The following MVB12B variants were observed in gnomAD, a reference collection of about 807,000 sequenced individuals.
MVB12B encodes the protein multivesicular body subunit 12B.
Under a neutral mutation model 41.6 loss-of-function variants are expected in MVB12B, and 16 were observed. The ratio of observed to expected loss-of-function variants is 0.38; its 90% CI spans 0.26 to 0.58. The LOEUF (loss-of-function observed/expected upper bound fraction) is 0.58, where lower values mean the gene tolerates loss of function less well. MVB12B is among the 20% of genes least tolerant of loss of function. The pLI is 0.62. For missense variants in MVB12B, 274 were observed against 380.2 expected (o/e 0.72, Z 2.32); for synonymous variants, 133 against 139.7 (o/e 0.95, Z 0.34).
chr9:126,327,386 C>T (rs1829011861), intron 1 of MVB12B: 4 of 952,058 alleles, frequency 4.2e-6, no homozygotes, highest in African/African-American at 1.8e-5. Context: ...TTTGACCGGC[C>T]TGGCCTGGGG....
At chr9:126,413,917 T>C (rs1831730243) in intron 6 of MVB12B, among the ~76,000 whole-genome samples, 1 of 151,152 alleles carries the variant, frequency 6.6e-6, no homozygotes, top group Non-Finnish European at 1.5e-5. Flanking sequence ...GCCTTGCTAG[T>C]CACCACTCTC....
In MVB12B at chr9:126,459,618, T is replaced by A. The variant is rs1253015560; in HGVS notation, c.758-21751T>A. 6.6e-6 allele frequency among the ~76,000 whole-genome samples: 1 copy of A among 152,080 alleles called. No homozygotes were observed. Among genetic ancestry groups the A allele is most frequent in the African/African-American group, 2.4e-5 (1 of 41,406 alleles). On this transcript the variant is annotated intron_variant, in intron 7 of 9. Transcript: ENST00000361171. This position sits in a 1 kb window ranked among gnomAD's most constrained non-coding sequence, Gnocchi z 4.3. ...CGGGAGGCTTGGGGCTAAGGATGTG[T>A]ATTTTCGCACGCAGCCCAGGTGACT...
intron 7 of MVB12B, among the ~76,000 whole-genome samples, chr9:126,438,597 G>A (rs889017658): frequency 1.3e-5 from 2 of 152,154 alleles, no homozygotes; most frequent in Non-Finnish European, 2.9e-5. Context: ...CTGCTAGTGG[G>A]ATATGAAGTA....
intron 6 of MVB12B, among the ~76,000 whole-genome samples, chr9:126,405,521 G>A (rs1350888505): frequency 6.6e-6 from 1 of 152,006 alleles, no homozygotes; most frequent in East Asian, 1.9e-4. Flanking sequence ...GTAGCTCTGT[G>A]GAATGTTTCA....
chr9:126,359,383 C>A (rs1198188705), intron 2 of MVB12B, among the ~76,000 whole-genome samples: 1 of 152,020 alleles, frequency 6.6e-6, no homozygotes, highest in Non-Finnish European at 1.5e-5. Flanking sequence ...CTTATAATAT[C>A]TGGTTTTAGT....
chr9:126,379,278 C>T (rs779427011), intron 2 of MVB12B, among the ~76,000 whole-genome samples: 2 of 152,024 alleles, frequency 1.3e-5, no homozygotes, highest in Non-Finnish European at 2.9e-5. Context: ...GTGCCTTTTT[C>T]GTGTGAAGGG....
At chr9:126,479,134 C>T (rs1188801859) in intron 7 of MVB12B, among the ~76,000 whole-genome samples, 1 of 140,214 alleles carries the variant, frequency 7.1e-6, no homozygotes, top group Non-Finnish European at 1.6e-5. Context: ...GAGTGGGCTT[C>T]GGGACTTTAC....
At chr9:126,433,209 A>G (rs536442219) in intron 7 of MVB12B, among the ~76,000 whole-genome samples, 5 of 150,728 alleles carry the variant, frequency 3.3e-5, no homozygotes, top group Admixed American at 2.6e-4. Flanking sequence ...GGACACAGAA[A>G]GTGCTATTGA....
intron 7 of MVB12B, among the ~76,000 whole-genome samples, chr9:126,451,205 C>T (rs984930626): frequency 6.6e-6 from 1 of 152,216 alleles, no homozygotes; most frequent in African/African-American, 2.4e-5. Flanking sequence ...CCATCTGGGC[C>T]TCAGCGTCTT....
chr9:126,340,562 T>C lies in MVB12B; in HGVS notation c.136T>C (p.Ser46Pro). ...KDLSEALPET[S>P]MDPITGVGVV... ...CCTCTCAGAAGCCTTGCCAGAAACGTCAATGGATCCCATCACGGGAGTCGG... is the reference window on the plus strand; with the variant it reads ...CCTCTCAGAAGCCTTGCCAGAAACGCCAATGGATCCCATCACGGGAGTCGG... The change falls in exon 2 of 10, where the codon TCA (serine) becomes CCA (proline). Residue 46 changes from serine to proline, a missense_variant. Ser to Pro is a moderately conservative substitution (Grantham distance 74). Transcript: ENST00000361171. The surrounding 1 kb of genome is among the most constrained non-coding windows in gnomAD (Gnocchi z 4.0). 2 of 1,614,180 alleles carry C rather than the reference T, an allele frequency of 1.2e-6. No individual in the cohort carries two copies. The highest frequency in any genetic ancestry group is 1.7e-6 in the Non-Finnish European group (2 of 1,180,008).
At chr9:126,461,045 C>T (rs555837281) in intron 7 of MVB12B, among the ~76,000 whole-genome samples, 2 of 152,330 alleles carry the variant, frequency 1.3e-5, no homozygotes, top group Non-Finnish European at 2.9e-5. Flanking sequence ...GGTCCCTGTT[C>T]TTCCCAGGCC....
intron 7 of MVB12B, among the ~76,000 whole-genome samples, chr9:126,465,585 A>G (rs1833183271): frequency 1.4e-5 from 2 of 147,440 alleles, no homozygotes; most frequent in Admixed American, 1.4e-4. Flanking sequence ...GGATGCCATT[A>G]TATGTTAGAT....
intron 2 of MVB12B, among the ~76,000 whole-genome samples, chr9:126,346,620 G>A (rs185338895): frequency 2.0e-5 from 3 of 152,172 alleles, no homozygotes; most frequent in Admixed American, 6.5e-5. Context: ...CAAGGACTGC[G>A]GGCATAAGTG....
intron 3 of MVB12B, among the ~76,000 whole-genome samples, chr9:126,385,987 G>T (rs894802649): frequency 6.6e-6 from 1 of 152,166 alleles, no homozygotes; most frequent in African/African-American, 2.4e-5. Context: ...ACTTTAGGAG[G>T]CCCTTGTGCG....
At chr9:126,369,477 A>C (rs1307877063) in intron 2 of MVB12B, among the ~76,000 whole-genome samples, 1 of 152,230 alleles carries the variant, frequency 6.6e-6, no homozygotes, top group Non-Finnish European at 1.5e-5. Context: ...AGAAAACATT[A>C]TTGATGCCCA....
intron 7 of MVB12B, among the ~76,000 whole-genome samples, chr9:126,461,676 A>AT (rs928082320): frequency 2.6e-5 from 4 of 152,242 alleles, no homozygotes; most frequent in African/African-American, 9.6e-5. Flanking sequence ...TTTAAAAAAA[A>AT]AGACCACACA....
At chr9:126,422,326 C>T (rs2119092398) in intron 7 of MVB12B, among the ~76,000 whole-genome samples, 1 of 152,270 alleles carries the variant, frequency 6.6e-6, no homozygotes, top group East Asian at 1.9e-4. Flanking sequence ...CCAAGTCTGT[C>T]CTCACCTCTC....
At chr9:126,481,278 C>G (rs1833517714) in intron 7 of MVB12B, 91 bp from the exon 8 acceptor site, 1 of 1,092,740 alleles carries the variant, frequency 9.2e-7, no homozygotes, top group Non-Finnish European at 1.4e-6. Context: ...GTGACGGATT[C>G]ATATTCTCTG....
Position 126,478,182 on chromosome 9 carries a change from C to T in MVB12B, c.758-3187C>T, listed in dbSNP as rs1271008759. ...TATATGAATTTTTTAAAACATTTCC[C>T]TCCCTGCTTAGATCTTCCTAGTTCC... On this transcript the variant is annotated intron_variant, in intron 7 of 9. Coordinates refer to ENST00000361171, the MANE Select transcript of MVB12B (RefSeq NM_033446.3). This position sits in a 1 kb window ranked among gnomAD's most constrained non-coding sequence, Gnocchi z 4.2. Among the ~76,000 whole-genome samples, 1 of 152,182 alleles carries T rather than the reference C, an allele frequency of 6.6e-6. No individual in the cohort carries two copies. Among genetic ancestry groups the T allele is most frequent in the Non-Finnish European group, 1.5e-5 (1 of 68,028 alleles).
Sources: allele counts gnomAD v4.1 joint callset (sites outside exome capture counted in the v4.1 genomes callset), GRCh38; gene constraint gnomAD v4.1.1; non-coding constraint Gnocchi (gnomAD v3.1); transcripts MANE v1.5; gene names NCBI Gene and HGNC (gene_info 2026-07-23, HGNC 2026-07-21).